The following CRIPT variants were observed in gnomAD, a reference collection of about 807,000 sequenced individuals.
CRIPT encodes the protein cysteine-rich PDZ-binding protein.
Under a neutral mutation model 16.6 loss-of-function variants are expected in CRIPT, and 20 were observed. The observed-to-expected ratio is 1.20, with a 90% CI of 0.85 to 1.75. The LOEUF is 1.75. Ranked by LOEUF, CRIPT falls within the 40% of genes most tolerant of loss-of-function variation. CRIPT has a pLI of 0.00. For synonymous variants in CRIPT, 42 were observed against 37.0 expected, an observed-to-expected ratio of 1.14 and a Z score of -0.49; for missense variants, 133 against 115.3, an observed-to-expected ratio of 1.15 and a Z score of -0.70.
intron 1 of CRIPT, among the ~76,000 whole-genome samples, chr2:46,618,318 G>T (rs1175216113): frequency 6.6e-6 from 1 of 151,916 alleles, no homozygotes; most frequent in Non-Finnish European, 1.5e-5. Context: ...TATATAAAAG[G>T]TTTGTGTACA....
intron 3 of CRIPT, among the ~76,000 whole-genome samples, chr2:46,620,945 A>C (rs368298855): frequency 1.3e-5 from 2 of 151,584 alleles, no homozygotes; most frequent in South Asian, 2.1e-4. Flanking sequence ...CCTTTCCCCT[A>C]CTTCCCCTAT....
At chr2:46,623,630 G>C in intron 3 of CRIPT, 134 bp from the exon 4 acceptor site, 1 of 569,596 alleles carries the variant, frequency 1.8e-6, no homozygotes, top group East Asian at 3.1e-5. Flanking sequence ...TCTGGAATAG[G>C]CTAAACCCAT....
At position 46,627,639 on chromosome 2, in the gene CRIPT, T is replaced by C. The variant is rs1472340468; in HGVS notation, c.*3412T>C. On this transcript the variant is annotated 3_prime_UTR_variant, in exon 5 of 5. Coordinates refer to ENST00000238892, the MANE Select transcript of CRIPT (RefSeq NM_014171.6). ...TTTCTATTTTTAGTAGGAATGGGGTTTTACCATGTTGGCCAGGCTGGTCTT... is the reference window on the plus strand; with the variant it reads ...TTTCTATTTTTAGTAGGAATGGGGTCTTACCATGTTGGCCAGGCTGGTCTT... Among the ~76,000 whole-genome samples the C allele has an allele frequency of 6.6e-6, 1 of 151,998 alleles. No individual in the cohort carries two copies. Among genetic ancestry groups the C allele is most frequent in the East Asian group, 1.9e-4 (1 of 5,178 alleles).
chr2:46,624,047 T>TTTTC lies in CRIPT; in HGVS notation c.242-113_242-112insCTTT, dbSNP rs1553429063. On this transcript the variant is annotated intron_variant, in intron 4 of 4. Transcript: ENST00000238892. ...AAATTATATATATATATATATTTTT[T>TTTTC]TTTTCTTTTCTTTTCTTTCCTGATG... 1.1e-4 allele frequency: 54 copies of TTTTC among 472,294 alleles called. 1 individual carries two copies. Among genetic ancestry groups the TTTTC allele is most frequent in the African/African-American group, 7.8e-4 (38 of 48,798 alleles). 29.3% of individuals were successfully genotyped at this position (472,294 alleles called of 1,614,324 possible). A position where few individuals can be genotyped will look rare whatever the true frequency, so the allele number is the denominator to read the frequency against.
At chr2:46,618,607 T>C (rs1318286760) in intron 1 of CRIPT, among the ~76,000 whole-genome samples, 166 bp from the exon 2 acceptor site, 2 of 152,246 alleles carry the variant, frequency 1.3e-5, no homozygotes, top group East Asian at 3.8e-4. Context: ...AGTCATTCAT[T>C]GGCCACAGTT....
chr2:46,617,247 C>T lies in CRIPT; in HGVS notation c.-36C>T, dbSNP rs187894233. 6.4e-7 allele frequency: 1 copy of T among 1,553,384 alleles called. No homozygotes were observed. The highest frequency in any genetic ancestry group is 8.7e-7 in the Non-Finnish European group (1 of 1,147,624). ...TGTTGTTTTCAGCCTGCTGCTGCTG[C>T]TGCTGTTGCGGCTAGGGGAACCGTC... On this transcript the variant is annotated 5_prime_UTR_variant, in exon 1 of 5. Coordinates refer to ENST00000238892, the MANE Select transcript of CRIPT (RefSeq NM_014171.6).
intron 3 of CRIPT, among the ~76,000 whole-genome samples, chr2:46,621,575 C>G (rs143181303): frequency 6.6e-6 from 1 of 152,310 alleles, no homozygotes; most frequent in East Asian, 1.9e-4. Flanking sequence ...TCCTTACTTA[C>G]TGTTTACCTC....
intron 3 of CRIPT, among the ~76,000 whole-genome samples, chr2:46,620,184 C>T (rs755300151): frequency 1.3e-5 from 2 of 152,198 alleles, no homozygotes; most frequent in Non-Finnish European, 2.9e-5. Flanking sequence ...TAAGGTGACT[C>T]ACACCTGTAA....
chr2:46,622,864 TG>T (rs1670845685), intron 3 of CRIPT, among the ~76,000 whole-genome samples: 1 of 151,578 alleles, frequency 6.6e-6, no homozygotes, highest in Non-Finnish European at 1.5e-5. Flanking sequence ...CCTTTGTAAA[TG>T]GGCTGTTGTA....
Position 46,629,351 on chromosome 2 carries a change from G to A in CRIPT, c.*5124G>A, listed in dbSNP as rs778448513. ...TGCACTTCATAAGAACAAGCATGCT[G>A]TCTTACCCAAGTACAGCTATCAAGT... On this transcript the variant is annotated 3_prime_UTR_variant, in exon 5 of 5. Coordinates refer to ENST00000238892, the MANE Select transcript of CRIPT (RefSeq NM_014171.6). Among the ~76,000 whole-genome samples the A allele has an allele frequency of 2.0e-5, 3 of 152,134 alleles. No individual in the cohort carries two copies. The highest frequency in any genetic ancestry group is 7.2e-5 in the African/African-American group (3 of 41,424).
chr2:46,624,080 A>ATTATG lies in CRIPT; in HGVS notation c.242-80_242-76dup, dbSNP rs1670877142. On this transcript the variant is annotated intron_variant, in intron 4 of 4. Coordinates refer to ENST00000238892, the MANE Select transcript of CRIPT (RefSeq NM_014171.6). The stretch of plus-strand genomic sequence containing the variant: ...TTCTTTTCTTTCCTGATGCTGTTAA[A>ATTATG]TTATGTTTTAAGCTTCAGGATTGAC... 6.3e-6 allele frequency: 5 copies of ATTATG among 793,898 alleles called. No individual in the cohort carries two copies. The East Asian group carries it at 1.5e-4, about 24-fold the overall frequency. The allele number at this position is 793,898 out of a possible 1,614,324, so 49.2% of individuals were successfully genotyped here. A position where few individuals can be genotyped will look rare whatever the true frequency, so the allele number is the denominator to read the frequency against.
intron 4 of CRIPT, 132 bp from the exon 5 acceptor site, chr2:46,624,025 TTATATA>T (rs143495119): frequency 2.5e-6 from 1 of 397,656 alleles, no homozygotes; most frequent in Admixed American, 5.4e-5. Flanking sequence ...ATAATTAAAA[TTATATA>T]TATATATATA....
At position 46,628,389 on chromosome 2, in the gene CRIPT, C is replaced by T. The variant is rs1014769704; in HGVS notation, c.*4162C>T. On this transcript the variant is annotated 3_prime_UTR_variant, in exon 5 of 5. Transcript: ENST00000238892. The stretch of plus-strand genomic sequence containing the variant: ...CCTCCCAAAGTGCTGGGATTACAGG[C>T]GTGAGCCACTGGACCCGGCAGGATT... 2.6e-5 allele frequency among the ~76,000 whole-genome samples: 4 copies of T among 152,118 alleles called. No homozygotes were observed. The highest frequency in any genetic ancestry group is 4.8e-5 in the African/African-American group (2 of 41,418).
rs369261705 is a variant in CRIPT, at chr2:46,626,575, C to G, written c.*2348C>G. Among the ~76,000 whole-genome samples, 21 of 152,322 alleles carry G rather than the reference C, an allele frequency of 1.4e-4. No individual in the cohort carries two copies. The highest frequency in any genetic ancestry group is 4.8e-4 in the African/African-American group (20 of 41,572). ...CAGTGTAGGCGCATTCTACACTGCA[C>G]TGGCTTCTACAGTGTTGAAGCATTC... On this transcript the variant is annotated 3_prime_UTR_variant, in exon 5 of 5. Transcript: ENST00000238892.
At position 46,629,215 on chromosome 2, in the gene CRIPT, G is replaced by A. The variant is rs1050210866; in HGVS notation, c.*4988G>A. Reference sequence around the variant, plus strand: ...TCTTTACATCCTTATGGCAGCCTTCGAATACCTTTTAACTCCCAGTTCCCT... The same window carrying A: ...TCTTTACATCCTTATGGCAGCCTTCAAATACCTTTTAACTCCCAGTTCCCT... On this transcript the variant is annotated 3_prime_UTR_variant, in exon 5 of 5. Transcript: ENST00000238892. Among the ~76,000 whole-genome samples the A allele has an allele frequency of 1.3e-5, 2 of 152,110 alleles. No individual in the cohort carries two copies. Among genetic ancestry groups the A allele is most frequent in the Admixed American group, 6.6e-5 (1 of 15,266 alleles).
At position 46,625,642 on chromosome 2, in the gene CRIPT, G is replaced by A. The variant is rs1447527464; in HGVS notation, c.*1415G>A. ...GCATTTAAAGTTTTAACTTTATAAG[G>A]CTTTTCAAAATGTGTTTTTCTGAGA... On this transcript the variant is annotated 3_prime_UTR_variant, in exon 5 of 5. Coordinates refer to ENST00000238892, the MANE Select transcript of CRIPT (RefSeq NM_014171.6). 6.6e-6 allele frequency: 1 copy of A among 151,810 alleles called. No individual in the cohort carries two copies. The highest frequency in any genetic ancestry group is 1.9e-4 in the East Asian group (1 of 5,202). The allele number at this position is 151,810 out of a possible 1,614,324, so 9.4% of individuals were successfully genotyped here. A position where few individuals can be genotyped will look rare whatever the true frequency, so the allele number is the denominator to read the frequency against.
rs1187506905 is a variant in CRIPT at position 46,628,081 on chromosome 2, G to T, written c.*3854G>T. ...TTTATTTGCTTAGGATTGATTTTTT[G>T]GTTCCATATGAATTTTAGAATGGAT... On this transcript the variant is annotated 3_prime_UTR_variant, in exon 5 of 5. Transcript: ENST00000238892. 4.0e-5 allele frequency among the ~76,000 whole-genome samples: 6 copies of T among 149,996 alleles called. No homozygotes were observed. The highest frequency in any genetic ancestry group is 1.5e-4 in the African/African-American group (6 of 40,844).
At chr2:46,620,702 G>A (rs1480169942) in intron 3 of CRIPT, among the ~76,000 whole-genome samples, 2 of 136,800 alleles carry the variant, frequency 1.5e-5, no homozygotes, top group East Asian at 2.0e-4. Context: ...ATATATATAT[G>A]TAATAATATT....
chr2:46,619,724 T>C, intron 3 of CRIPT, 43 bp downstream of exon 3: 2 of 1,470,324 alleles, frequency 1.4e-6, no homozygotes, highest in Non-Finnish European at 1.9e-6. Context: ...AATTTCCTTC[T>C]TTTAGTATTA....
Sources: allele counts gnomAD v4.1 joint callset (sites outside exome capture counted in the v4.1 genomes callset), GRCh38; gene constraint gnomAD v4.1.1; transcripts MANE v1.5; gene names NCBI Gene and HGNC (gene_info 2026-07-23, HGNC 2026-07-21).